ARHGAP22: variants seen among roughly 807,000 people sequenced by gnomAD.
The protein encoded by ARHGAP22 is rho GTPase-activating protein 22.
In ARHGAP22, 48 loss-of-function variants were observed where a neutral mutation model predicts 59.1. The ratio of observed to expected loss-of-function variants is 0.81; its 90% CI spans 0.64 to 1.03. The LOEUF (loss-of-function observed/expected upper bound fraction) is 1.03, where lower values mean the gene tolerates loss of function less well. Among genes scored for constraint, ARHGAP22 ranks in the 50% least tolerant of loss-of-function variants. The probability of loss-of-function intolerance (pLI) is 0.00; values close to 1 mark genes in which losing one functional copy is unlikely to be tolerated. For missense variants in ARHGAP22, 1,015 were observed against 958.7 expected (o/e 1.06, Z -0.78); for synonymous variants, 445 against 416.4 (o/e 1.07, Z -0.84).
intron 3 of ARHGAP22, among the ~76,000 whole-genome samples, chr10:48,496,908 C>T (rs1320083105): frequency 6.6e-6 from 1 of 152,128 alleles, no homozygotes; most frequent in Admixed American, 6.5e-5. Context: ...CCGTGAGCTA[C>T]TCACACTCGG....
intron 3 of ARHGAP22, among the ~76,000 whole-genome samples, chr10:48,530,013 G>A (rs772824000): frequency 1.3e-5 from 2 of 152,198 alleles, no homozygotes; most frequent in Non-Finnish European, 2.9e-5. Context: ...AACGTGGGCA[G>A]ATCATCTGAG....
intron 3 of ARHGAP22, among the ~76,000 whole-genome samples, chr10:48,487,428 G>A (rs2049967626): frequency 6.6e-6 from 1 of 152,186 alleles, no homozygotes; most frequent in East Asian, 1.9e-4. Context: ...GATTATCCAA[G>A]TGGGCTCAAG....
intron 3 of ARHGAP22, among the ~76,000 whole-genome samples, chr10:48,526,230 G>T (rs2054310081): frequency 6.6e-6 from 1 of 152,132 alleles, no homozygotes; most frequent in African/African-American, 2.4e-5. Flanking sequence ...ATAAATGTGG[G>T]GGCAGGAAAG....
intron 3 of ARHGAP22, among the ~76,000 whole-genome samples, chr10:48,549,846 A>G (rs2056762852): frequency 6.6e-6 from 1 of 151,920 alleles, no homozygotes; most frequent in Non-Finnish European, 1.5e-5. Flanking sequence ...CAGCCTCTCC[A>G]CCTTGGACCC....
chr10:48,472,311 G>A (rs2048308446), intron 4 of ARHGAP22, among the ~76,000 whole-genome samples: 1 of 151,966 alleles, frequency 6.6e-6, no homozygotes, highest in Non-Finnish European at 1.5e-5. Flanking sequence ...ATCATTTGAG[G>A]TCAGGAGTTC....
intron 3 of ARHGAP22, among the ~76,000 whole-genome samples, chr10:48,505,152 C>T (rs2134430279): frequency 6.6e-6 from 1 of 152,308 alleles, no homozygotes; most frequent in Non-Finnish European, 1.5e-5. Context: ...CTTCTGGATT[C>T]AAGCGATTCT....
At chr10:48,527,861 T>C (rs2054473993) in intron 3 of ARHGAP22, among the ~76,000 whole-genome samples, 1 of 152,132 alleles carries the variant, frequency 6.6e-6, no homozygotes, top group South Asian at 2.1e-4. Context: ...CTAGGACATG[T>C]TTCCCAGCAG....
chr10:48,553,880 T>C (rs976307503), intron 3 of ARHGAP22, among the ~76,000 whole-genome samples: 1 of 152,204 alleles, frequency 6.6e-6, no homozygotes, highest in Non-Finnish European at 1.5e-5. Flanking sequence ...TGTGTTGACC[T>C]CTACCTTCTA....
upstream of ARHGAP22, among the ~76,000 whole-genome samples, chr10:48,655,012 T>C (rs372863139): frequency 6.1e-4 from 39 of 64,342 alleles, 1 homozygote; most frequent in African/African-American, 1.8e-3. Context: ...TTCTTTCTCT[T>C]TCTTTCTTTC....
intron 4 of ARHGAP22, among the ~76,000 whole-genome samples, chr10:48,464,788 G>T (rs2047490513): frequency 6.6e-6 from 1 of 152,106 alleles, no homozygotes; most frequent in Non-Finnish European, 1.5e-5. Flanking sequence ...TATAAAATGG[G>T]AGGATCACAC....
chr10:48,451,351 TC>T, intron 8 of ARHGAP22: 1 of 748,036 alleles, frequency 1.3e-6, no homozygotes, highest in Non-Finnish European at 2.3e-6. Flanking sequence ...AGAACCGCCT[TC>T]CTCAGGCACA....
intron 2 of ARHGAP22, among the ~76,000 whole-genome samples, chr10:48,577,801 G>GTTTTTTTTTATTTTT (rs2058828009): frequency 1.7e-5 from 1 of 59,142 alleles, no homozygotes; most frequent in Non-Finnish European, 2.9e-5. Context: ...CTCTTTTTTG[G>GTTTTTTTTTATTTTT]TTTTTTTTTT....
At chr10:48,585,138 G>A (rs188099194) in intron 1 of ARHGAP22, among the ~76,000 whole-genome samples, 100 of 152,304 alleles carry the variant, frequency 6.6e-4, no homozygotes, top group African/African-American at 2.2e-3. Flanking sequence ...AAAACCCCTC[G>A]TGGACTTTGC....
intron 2 of ARHGAP22, among the ~76,000 whole-genome samples, chr10:48,578,358 T>G (rs1453235892): frequency 6.6e-6 from 1 of 152,184 alleles, no homozygotes. Flanking sequence ...CCCCTCATGT[T>G]CTTTCCATCT....
intron 3 of ARHGAP22, among the ~76,000 whole-genome samples, chr10:48,523,340 A>T (rs753696427): frequency 3.9e-5 from 6 of 152,206 alleles, no homozygotes; most frequent in Non-Finnish European, 5.9e-5. Context: ...GCGCTGCAGT[A>T]AAGGGATGCA....
intron 1 of ARHGAP22, among the ~76,000 whole-genome samples, chr10:48,635,775 T>A (rs1018502265): frequency 2.0e-5 from 3 of 152,184 alleles, no homozygotes; most frequent in African/African-American, 4.8e-5. Flanking sequence ...ACCTCCCAAA[T>A]AAACCACCTG....
intron 1 of ARHGAP22, among the ~76,000 whole-genome samples, chr10:48,585,113 C>T (rs2059350985): frequency 6.6e-6 from 1 of 152,178 alleles, no homozygotes; most frequent in African/African-American, 2.4e-5. Context: ...GGAACATGTC[C>T]AGGGTCCAGG....
intron 3 of ARHGAP22, among the ~76,000 whole-genome samples, chr10:48,523,788 C>T (rs1683932594): frequency 6.6e-6 from 1 of 151,816 alleles, no homozygotes; most frequent in South Asian, 2.1e-4. Context: ...TCCGCTCTAC[C>T]CACTCCCGCC....
intron 1 of ARHGAP22, chr10:48,625,020 T>C (rs1374760419): frequency 6.6e-6 from 1 of 152,238 alleles, no homozygotes; most frequent in Non-Finnish European, 1.5e-5. Context: ...CATGGAGGTC[T>C]GCAGAGTCGT....
Sources: allele counts gnomAD v4.1 joint callset (sites outside exome capture counted in the v4.1 genomes callset), GRCh38; gene constraint gnomAD v4.1.1; transcripts MANE v1.5; gene names NCBI Gene and HGNC (gene_info 2026-07-23, HGNC 2026-07-21).